C17orf99: variants seen among roughly 807,000 people sequenced by gnomAD.
C17orf99 encodes chromosome 17 open reading frame 99, also known as protein IL-40.
Under a neutral mutation model 22.6 loss-of-function variants are expected in C17orf99, and 18 were observed. The observed-to-expected ratio is 0.80, with a 90% confidence interval of 0.55 to 1.18. The LOEUF (loss-of-function observed/expected upper bound fraction) is 1.18, where lower values mean the gene tolerates loss of function less well. Among genes scored for constraint, C17orf99 ranks in the 50% most tolerant of loss-of-function variants. The pLI, the probability that C17orf99 is intolerant of heterozygous loss-of-function variation, is 0.00. For missense variants in C17orf99, 328 were observed against 342.7 expected, an observed-to-expected ratio of 0.96 and a Z score of 0.34; for synonymous variants, 147 against 136.6, an observed-to-expected ratio of 1.08 and a Z score of -0.53.
intron 2 of C17orf99, among the ~76,000 whole-genome samples, chr17:78,151,087 C>T (rs2075478615): frequency 6.6e-6 from 1 of 151,442 alleles, no homozygotes. Flanking sequence ...GGCACCACTG[C>T]ACTGCAGCCT....
At chr17:78,155,693 A>G (rs754889260) in intron 2 of C17orf99, among the ~76,000 whole-genome samples, 4 of 151,918 alleles carry the variant, frequency 2.6e-5, no homozygotes, top group Non-Finnish European at 5.9e-5. Flanking sequence ...ATGGCAGGAT[A>G]TTGGCTCACT....
Position 78,154,026 on chromosome 17 carries a change from A to G in C17orf99, c.71-6929A>G, listed in dbSNP as rs373767149. On this transcript the variant is annotated intron_variant, in intron 2 of 4. Coordinates refer to ENST00000340363, the MANE Select transcript of C17orf99 (RefSeq NM_001163075.2). The stretch of plus-strand genomic sequence containing the variant: ...CTGCAGCCTCCACCTCTCAGGTTCA[A>G]GTGATTCTCATGCCTCAGCCTCCCG... 3.4e-5 allele frequency among the ~76,000 whole-genome samples: 5 copies of G among 147,300 alleles called. No homozygotes were observed. In the East Asian group the frequency reaches 1.0e-3, roughly 30 times the overall value.
At chr17:78,158,948 TC>T in intron 2 of C17orf99, 1 of 163,300 alleles carries the variant, frequency 6.1e-6, no homozygotes. Flanking sequence ...ACCAGCCCCG[TC>T]CCCTGCCTGT....
In C17orf99 at chr17:78,148,375, A is replaced by T. The variant is rs971727021; in HGVS notation, c.70+1464A>T. On this transcript the variant is annotated intron_variant, in intron 2 of 4. Transcript: ENST00000340363. ...TTTTGTATAAAGAAAATATTTTTTT[A>T]AATTAGCTGGGCATGGTGGGCGGTG... 3.9e-5 allele frequency among the ~76,000 whole-genome samples: 6 copies of T among 152,090 alleles called. No homozygotes were observed. In the East Asian group the frequency reaches 5.8e-4, roughly 15 times the overall value.
chr17:78,145,882 G>A (rs927999774), upstream of C17orf99, among the ~76,000 whole-genome samples: 32 of 144,654 alleles, frequency 2.2e-4, no homozygotes, highest in Admixed American at 7.3e-5. Flanking sequence ...TGCAACCTCC[G>A]CCTCCTGGGT....
intron 3 of C17orf99, among the ~76,000 whole-genome samples, chr17:78,162,427 G>A (rs376826529): frequency 5.3e-5 from 8 of 151,092 alleles, no homozygotes; most frequent in Middle Eastern, 3.4e-3. Flanking sequence ...GGAGCTATGG[G>A]GTATGGGAAC....
chr17:78,164,416 A>G (rs1344571694), intron 4 of C17orf99, 52 bp downstream of exon 4: 2 of 1,550,786 alleles, frequency 1.3e-6, no homozygotes, highest in African/African-American at 2.7e-5. Flanking sequence ...CTGTGCCGGG[A>G]GGGTGCTAGT....
chr17:78,150,808 C>T (rs1027781024), intron 2 of C17orf99, among the ~76,000 whole-genome samples: 5 of 152,050 alleles, frequency 3.3e-5, no homozygotes, highest in Non-Finnish European at 5.9e-5. Flanking sequence ...GATTTTGATT[C>T]CGGCTGAGCC....
Position 78,146,881 on chromosome 17 carries a change from G to GCTA in C17orf99, c.41_42insTAC (p.Ala14_Ser15insThr). 6.4e-7 allele frequency: 1 copy of GCTA among 1,551,322 alleles called. No individual in the cohort carries two copies. Among genetic ancestry groups the GCTA allele is most frequent in the East Asian group, 2.4e-5 (1 of 40,920 alleles). On this transcript the variant is annotated inframe_insertion, in exon 2 of 5. Transcript: ENST00000340363. The surrounding 1 kb of genome is among the most constrained non-coding windows in gnomAD (Gnocchi z 5.2). ...TATCGCCCTTACCTCTCTTACAGCTGCCAGCAGCTTCTCCAAGGCACGGGA... is the reference window on the plus strand; with the variant it reads ...TATCGCCCTTACCTCTCTTACAGCTGCTACCAGCAGCTTCTCCAAGGCACGGGA...
chr17:78,164,137 G>A lies in C17orf99; in HGVS notation c.413G>A (p.Arg138Lys), dbSNP rs776662399. The A allele has an allele frequency of 3.2e-6, 5 of 1,551,730 alleles. No individual in the cohort carries two copies. The highest frequency in any genetic ancestry group is 4.4e-6 in the Non-Finnish European group (5 of 1,147,020). Residue 138 changes from arginine (R) to lysine (K), a missense_variant, in exon 4 of 5, where the codon AGA becomes AAA. Physicochemically the swap from Arg to Lys is conservative, Grantham distance 26. Coordinates refer to ENST00000340363, the MANE Select transcript of C17orf99 (RefSeq NM_001163075.2). Reference sequence around the variant, plus strand: ...CGGGCCAACTTCACTCTGCAGGACAGAGGGGCAGGCCCCAGGGTGGAGATG... The same window carrying A: ...CGGGCCAACTTCACTCTGCAGGACAAAGGGGCAGGCCCCAGGGTGGAGATG... The part of the protein sequence containing the change: ...ELRANFTLQD[R>K]GAGPRVEMIC...
chr17:78,166,087 G>T lies in C17orf99; in HGVS notation c.*41G>T. ...GAGCCAAGCACGGCAGAGGACTGCA[G>T]GCCATCAGCGTGCACTGTTCGTATT... is the stretch of plus-strand genomic sequence containing the variant. On this transcript the variant is annotated 3_prime_UTR_variant, in exon 5 of 5. Transcript: ENST00000340363. The T allele has an allele frequency of 1.4e-6, 1 of 734,746 alleles. No individual in the cohort carries two copies. The highest frequency in any genetic ancestry group is 2.0e-6 in the Non-Finnish European group (1 of 507,502). The allele number at this position is 734,746 out of a possible 1,614,324, so 45.5% of individuals were successfully genotyped here.
At chr17:78,164,531 G>T (rs560674989) in intron 4 of C17orf99, 167 bp downstream of exon 4, 2 of 1,535,730 alleles carry the variant, frequency 1.3e-6, no homozygotes, top group African/African-American at 2.7e-5. Context: ...CCTGCCTAAA[G>T]GAAGCCCAAC....
At chr17:78,157,123 A>G (rs1174454839) in intron 2 of C17orf99, among the ~76,000 whole-genome samples, 1 of 151,372 alleles carries the variant, frequency 6.6e-6, no homozygotes, top group East Asian at 1.9e-4. Flanking sequence ...TGAGGCCAGG[A>G]GTTCAAGACC....
chr17:78,155,216 ACCCAAAGTT>A (rs1297411027), intron 2 of C17orf99, among the ~76,000 whole-genome samples: 1 of 150,804 alleles, frequency 6.6e-6, no homozygotes, highest in Non-Finnish European at 1.5e-5. Flanking sequence ...ATGTCCCCAG[ACCCAAAGTT>A]CCCCTGGAGG....
At position 78,161,199 on chromosome 17, in the gene C17orf99, C is replaced by T; in HGVS notation, c.315C>T (p.Thr105=). The part of the protein sequence containing the change: ...LLTYFCWASS[T]SGAHVDSARL... ...CCTACTTCTGCTGGGCGTCCTCCAC[C>T]TCAGGTGCCCATGTGGACAGTGCCA... The change falls in exon 3 of 5, where the codon ACC becomes ACT. Residue 105 remains threonine (T), a synonymous_variant. Coordinates refer to ENST00000340363, the MANE Select transcript of C17orf99 (RefSeq NM_001163075.2). 1 of 1,551,758 alleles carries T rather than the reference C, an allele frequency of 6.4e-7. No individual in the cohort carries two copies. The highest frequency in any genetic ancestry group is 8.7e-7 in the Non-Finnish European group (1 of 1,146,978).
chr17:78,153,072 G>A (rs2075497544), intron 2 of C17orf99, among the ~76,000 whole-genome samples: 2 of 141,956 alleles, frequency 1.4e-5, no homozygotes, highest in African/African-American at 5.7e-5. Context: ...CAAAGCAAGA[G>A]CCTGTCTCAA....
chr17:78,150,337 G>C (rs1030718974), intron 2 of C17orf99, among the ~76,000 whole-genome samples: 1 of 152,062 alleles, frequency 6.6e-6, no homozygotes, highest in African/African-American at 2.4e-5. Flanking sequence ...TAGCAATTGG[G>C]TCTTCCTATT....
In C17orf99 at chr17:78,146,484, G is replaced by C. The variant is rs980368568; in HGVS notation, c.37+40G>C. 4.2e-5 allele frequency: 65 copies of C among 1,542,808 alleles called. No individual in the cohort carries two copies. Among genetic ancestry groups the C allele is most frequent in the Non-Finnish European group, 5.3e-5 (61 of 1,142,094 alleles). ...GACGTGATGGTGGGGCTGCTGCTGG[G>C]GCCTTGAGGTCTTGGGCTCAGGTGG... is the stretch of plus-strand genomic sequence containing the variant. On this transcript the variant is annotated intron_variant, in intron 1 of 4. Transcript: ENST00000340363. The surrounding 1 kb of genome is among the most constrained non-coding windows in gnomAD (Gnocchi z 5.2).
At position 78,164,297 on chromosome 17, in the gene C17orf99, C is replaced by T. The variant is rs1407993616; in HGVS notation, c.573C>T (p.Asp191=). The T allele has an allele frequency of 6.4e-7, 1 of 1,551,620 alleles. No individual in the cohort carries two copies. Among genetic ancestry groups the T allele is most frequent in the African/African-American group, 1.4e-5 (1 of 73,204 alleles). The change falls in exon 4 of 5, where the codon GAC becomes GAT. Residue 191 remains aspartate, a synonymous_variant. Transcript: ENST00000340363. ...NFSFLPSQTS[D]WFWCQAANNA... is the part of the protein sequence containing the mutation. ...CCTTCCTGCCGAGCCAGACATCGGACTGGTTCTGGTGCCAGGCTGCAAACA... is the reference window on the plus strand; with the variant it reads ...CCTTCCTGCCGAGCCAGACATCGGATTGGTTCTGGTGCCAGGCTGCAAACA...
Sources: allele counts gnomAD v4.1 joint callset (sites outside exome capture counted in the v4.1 genomes callset), GRCh38; gene constraint gnomAD v4.1.1; non-coding constraint Gnocchi (gnomAD v3.1); transcripts MANE v1.5; gene names NCBI Gene and HGNC (gene_info 2026-07-23, HGNC 2026-07-21).